Variants in LRP1B observed in about 807,000 individuals in gnomAD.
LRP1B encodes the protein low-density lipoprotein receptor-related protein 1B.
Under a neutral mutation model 556.6 loss-of-function variants are expected in LRP1B, and 217 were observed. That is an observed-to-expected ratio of 0.39 (90% CI 0.35 to 0.44). LRP1B has a LOEUF of 0.44. LRP1B is among the 20% of genes least tolerant of loss of function. LRP1B has a pLI of 1.00. For synonymous variants in LRP1B, 2,047 were observed against 1,865.8 expected (o/e 1.10, Z -2.50); for missense variants, 5,053 against 5,620.8 (o/e 0.90, Z 3.23).
chr2:142,130,077 G>A (rs1298379637), intron 1 of LRP1B, among the ~76,000 whole-genome samples: 1 of 152,192 alleles, frequency 6.6e-6, no homozygotes, highest in Admixed American at 6.5e-5. Context: ...AGGTGCGTGC[G>A]CCCGGAATCG....
At chr2:140,380,961 A>G (rs1280231961) in intron 67 of LRP1B, among the ~76,000 whole-genome samples, 1 of 152,204 alleles carries the variant, frequency 6.6e-6, no homozygotes. Flanking sequence ...TTCCAGGGAA[A>G]GTGGAAATTC....
At chr2:140,515,862 C>T (rs933489023) in intron 50 of LRP1B, among the ~76,000 whole-genome samples, 1 of 152,020 alleles carries the variant, frequency 6.6e-6, no homozygotes, top group Non-Finnish European at 1.5e-5. Flanking sequence ...GAGAGTTTGA[C>T]ATTTCACAGA....
chr2:140,581,505 T>G (rs1681761877), intron 43 of LRP1B, among the ~76,000 whole-genome samples: 1 of 152,064 alleles, frequency 6.6e-6, no homozygotes, highest in Admixed American at 6.6e-5. Flanking sequence ...TTGTTTATGC[T>G]TTTACAAATC....
At chr2:141,672,800 T>C (rs1228077616) in intron 2 of LRP1B, among the ~76,000 whole-genome samples, 1 of 152,168 alleles carries the variant, frequency 6.6e-6, no homozygotes, top group Non-Finnish European at 1.5e-5. Flanking sequence ...CATCTAATAC[T>C]TATCTAATGA....
intron 1 of LRP1B, among the ~76,000 whole-genome samples, chr2:141,902,318 T>C (rs1440053702): frequency 6.6e-6 from 1 of 151,870 alleles, no homozygotes; most frequent in African/African-American, 2.4e-5. Context: ...GTTAAATTTT[T>C]ATTAATTTCT....
chr2:141,931,555 G>C (rs1441029231), intron 1 of LRP1B, among the ~76,000 whole-genome samples: 2 of 151,854 alleles, frequency 1.3e-5, no homozygotes, highest in African/African-American at 2.4e-5. Context: ...TTTTTCTAAA[G>C]TTTTCTCTTT....
intron 3 of LRP1B, among the ~76,000 whole-genome samples, chr2:141,356,955 T>C (rs1688647657): frequency 2.0e-5 from 3 of 152,182 alleles, no homozygotes; most frequent in Admixed American, 2.0e-4. Flanking sequence ...ATTTCTGTCA[T>C]GATATGAAAT....
chr2:140,984,917 A>T (rs1402955357), intron 17 of LRP1B, among the ~76,000 whole-genome samples: 2 of 152,096 alleles, frequency 1.3e-5, no homozygotes, highest in African/African-American at 2.4e-5. Flanking sequence ...CAAGTTGACT[A>T]AATTATCACT....
At chr2:140,951,300 C>T (rs1559213414) in intron 19 of LRP1B, among the ~76,000 whole-genome samples, 1 of 151,996 alleles carries the variant, frequency 6.6e-6, no homozygotes, top group Admixed American at 6.6e-5. Context: ...TCTTTATTAA[C>T]AACCATTTCG....
At chr2:141,103,294 T>C (rs1431347145) in intron 7 of LRP1B, among the ~76,000 whole-genome samples, 1 of 152,148 alleles carries the variant, frequency 6.6e-6, no homozygotes, top group Non-Finnish European at 1.5e-5. Flanking sequence ...AAGCCTCTTT[T>C]TCTTTACAAT....
chr2:140,933,510 A>G (rs571711969), intron 20 of LRP1B, among the ~76,000 whole-genome samples: 3 of 152,228 alleles, frequency 2.0e-5, no homozygotes, highest in Admixed American at 6.5e-5. Context: ...TTTAAAGACT[A>G]AGGAAATTAA....
chr2:141,971,835 T>C (rs1355209795), intron 1 of LRP1B, among the ~76,000 whole-genome samples: 2 of 151,556 alleles, frequency 1.3e-5, no homozygotes, highest in African/African-American at 2.4e-5. Context: ...AGAGTTCTTT[T>C]GAAACTGACA....
chr2:141,102,418 G>C (rs1262270696), intron 7 of LRP1B, among the ~76,000 whole-genome samples: 4 of 152,066 alleles, frequency 2.6e-5, no homozygotes, highest in Middle Eastern at 3.2e-3. Context: ...ACTGGGAACA[G>C]AGCAAATTAG....
intron 1 of LRP1B, among the ~76,000 whole-genome samples, chr2:142,116,496 T>G (rs533852333): frequency 1.3e-5 from 2 of 152,130 alleles, no homozygotes; most frequent in Non-Finnish European, 2.9e-5. Flanking sequence ...CATGACAATT[T>G]AATGCAGTGA....
intron 3 of LRP1B, among the ~76,000 whole-genome samples, chr2:141,387,536 T>C (rs1689875381): frequency 6.6e-6 from 1 of 152,102 alleles, no homozygotes; most frequent in Non-Finnish European, 1.5e-5. Context: ...TATGAACAAT[T>C]GCACATGAAC....
At position 141,567,805 on chromosome 2, in the gene LRP1B, G is replaced by T. The variant is rs937807277; in HGVS notation, c.206-87272C>A. Among the ~76,000 whole-genome samples the T allele has an allele frequency of 2.9e-5, 4 of 139,120 alleles. No homozygotes were observed. The East Asian group carries it at 7.8e-4, about 27-fold the overall frequency. 91.3% of individuals were successfully genotyped at this position (139,120 alleles called of 152,430 possible). On this transcript the variant is annotated intron_variant, in intron 2 of 90. Transcript: ENST00000389484. Reference sequence around the variant, plus strand: ...ATTAGAATTTCTTAGGGTTAAATGTGGAAGGGCCCCTAGGAAACCAATTTC... The same window carrying T: ...ATTAGAATTTCTTAGGGTTAAATGTTGAAGGGCCCCTAGGAAACCAATTTC...
intron 41 of LRP1B, among the ~76,000 whole-genome samples, chr2:140,697,535 C>T (rs1686475486): frequency 6.6e-6 from 1 of 151,830 alleles, no homozygotes; most frequent in Non-Finnish European, 1.5e-5. Context: ...TAGAAACAAC[C>T]CAAGTGTCCT....
At chr2:140,823,432 T>C (rs1391099750) in intron 31 of LRP1B, among the ~76,000 whole-genome samples, 3 of 152,138 alleles carry the variant, frequency 2.0e-5, no homozygotes, top group Non-Finnish European at 4.4e-5. Flanking sequence ...GAGTAAATAA[T>C]GCAGTGATTA....
intron 59 of LRP1B, among the ~76,000 whole-genome samples, chr2:140,483,995 C>T (rs2105360456): frequency 6.6e-6 from 1 of 152,140 alleles, no homozygotes; most frequent in East Asian, 1.9e-4. Context: ...GAAATATTCA[C>T]ATAATTAAGA....
Sources: gnomAD v4.1 joint callset for allele counts (sites outside exome capture counted in the v4.1 genomes callset) on GRCh38, gnomAD v4.1.1 for gene constraint, MANE v1.5 for transcripts, NCBI Gene and HGNC (gene_info 2026-07-23, HGNC 2026-07-21) for gene names.